Variants in IPO11 observed in about 807,000 individuals in gnomAD.
IPO11 encodes the protein importin-11.
A neutral mutation model predicts 143.2 loss-of-function variants in IPO11; 66 were observed. The ratio of observed to expected loss-of-function variants is 0.46; its 90% confidence interval spans 0.38 to 0.57. IPO11 has a LOEUF of 0.57. IPO11 is among the 20% of genes least tolerant of loss of function. IPO11 has a pLI of 0.00. For missense variants in IPO11, 1,026 were observed against 1,141.0 expected (o/e 0.90, Z 1.45); for synonymous variants, 385 against 377.8 (o/e 1.02, Z -0.22).
chr5:62,592,686 C>T (rs974177414), intron 28 of IPO11, among the ~76,000 whole-genome samples: 3 of 152,136 alleles, frequency 2.0e-5, no homozygotes, highest in Non-Finnish European at 4.4e-5. Flanking sequence ...AGGAAACCTA[C>T]TGTCATGGCA....
chr5:62,601,643 AT>A (rs1401695989), intron 28 of IPO11, 120 bp from the exon 29 acceptor site: 2 of 455,206 alleles, frequency 4.4e-6, no homozygotes, highest in Non-Finnish European at 7.6e-6. Flanking sequence ...TTTTTCTCAC[AT>A]TTTGGTGTGA....
At chr5:62,507,740 G>T (rs189863298) in intron 19 of IPO11, among the ~76,000 whole-genome samples, 192 of 152,198 alleles carry the variant, frequency 1.3e-3, no homozygotes, top group Non-Finnish European at 1.7e-3. Flanking sequence ...ATAGAAATGG[G>T]TCTTCTTATC....
intron 19 of IPO11, among the ~76,000 whole-genome samples, chr5:62,507,434 T>G (rs931773516): frequency 6.6e-6 from 1 of 152,106 alleles, no homozygotes; most frequent in African/African-American, 2.4e-5. Context: ...TCACACAGAG[T>G]TCATTGCAAC....
At chr5:62,419,552 A>G (rs1338456155) in intron 1 of IPO11, among the ~76,000 whole-genome samples, 1 of 152,174 alleles carries the variant, frequency 6.6e-6, no homozygotes, top group Non-Finnish European at 1.5e-5. Flanking sequence ...TCTCACTGGA[A>G]GGTCTTCGGG....
At chr5:62,553,194 G>A (rs539345113) in intron 26 of IPO11, among the ~76,000 whole-genome samples, 130 of 152,150 alleles carry the variant, frequency 8.5e-4, no homozygotes, top group African/African-American at 2.9e-3. Context: ...CTACATGTAA[G>A]TGAGAACACG....
chr5:62,525,932 T>G (rs1489520048), intron 20 of IPO11, among the ~76,000 whole-genome samples: 1 of 152,228 alleles, frequency 6.6e-6, no homozygotes, highest in Admixed American at 6.5e-5. Context: ...TTTTTTAAAC[T>G]GCCAATAGGC....
rs1744940078 is a variant in IPO11, at chr5:62,451,909, T to G, written c.492T>G (p.Ala164=). ...AGACACTGGCATCTAAACGACTTGC[T>G]GCTGATAGAAAACTATTTTATGATG... The part of the protein sequence containing the change: ...VTKTLASKRL[A]ADRKLFYDLA... Residue 164 remains alanine, a synonymous_variant, in exon 5 of 30, where the codon GCT becomes GCG. Coordinates refer to ENST00000325324, the MANE Select transcript of IPO11 (RefSeq NM_016338.5). The G allele has an allele frequency of 1.2e-6, 2 of 1,613,648 alleles. No individual in the cohort carries two copies. Among genetic ancestry groups the G allele is most frequent in the Non-Finnish European group, 1.7e-6 (2 of 1,179,500 alleles).
intron 20 of IPO11, among the ~76,000 whole-genome samples, chr5:62,515,808 T>G (rs1741993078): frequency 6.6e-6 from 1 of 152,202 alleles, no homozygotes. Flanking sequence ...GGGGCTTTTC[T>G]GCTTAAACAT....
At chr5:62,492,398 T>TGCTC (rs1580243090) in intron 15 of IPO11, among the ~76,000 whole-genome samples, 1 of 152,206 alleles carries the variant, frequency 6.6e-6, no homozygotes, top group East Asian at 1.9e-4. Flanking sequence ...CTCAAAGACT[T>TGCTC]GCTCAGATTC....
chr5:62,501,369 A>G (rs1326859266), intron 16 of IPO11, among the ~76,000 whole-genome samples: 1 of 152,228 alleles, frequency 6.6e-6, no homozygotes, highest in Non-Finnish European at 1.5e-5. Context: ...GAAATATAAA[A>G]TAATCTGTGT....
intron 20 of IPO11, among the ~76,000 whole-genome samples, chr5:62,517,692 T>G (rs1742073347): frequency 1.3e-5 from 2 of 152,156 alleles, no homozygotes; most frequent in African/African-American, 4.8e-5. Flanking sequence ...CGTGAGCCAC[T>G]GCTCCCGGCC....
chr5:62,543,436 T>G (rs532269294), intron 24 of IPO11, among the ~76,000 whole-genome samples: 158 of 152,306 alleles, frequency 1.0e-3, no homozygotes, highest in African/African-American at 3.6e-3. Context: ...GTCCAGGAAT[T>G]TATCCATTTC....
At chr5:62,437,567 C>T in intron 2 of IPO11, 150 bp downstream of exon 2, 1 of 589,656 alleles carries the variant, frequency 1.7e-6, no homozygotes, top group Non-Finnish European at 2.9e-6. Flanking sequence ...TACTTTATGA[C>T]TTCTTAAGGG....
At chr5:62,422,214 C>T (rs1743538769) in intron 1 of IPO11, among the ~76,000 whole-genome samples, 1 of 152,142 alleles carries the variant, frequency 6.6e-6, no homozygotes, top group African/African-American at 2.4e-5. Context: ...GCAACCTCCA[C>T]CTCCTGGGTT....
rs1190222932 is a variant in IPO11, at chr5:62,461,439, C to T, written c.517-5692C>T. 2.6e-5 allele frequency among the ~76,000 whole-genome samples: 4 copies of T among 152,196 alleles called. No homozygotes were observed. The East Asian group carries it at 5.8e-4, about 22-fold the overall frequency. On this transcript the variant is annotated intron_variant, in intron 5 of 29. Transcript: ENST00000325324. ...AAAATTGGGTGACGCAAAGAACAGA[C>T]ATTTTGGAAGTCCAAAAGTAGAAGC...
At chr5:62,447,865 TCAC>T (rs1744774895) in intron 3 of IPO11, among the ~76,000 whole-genome samples, 4 of 151,882 alleles carry the variant, frequency 2.6e-5, no homozygotes, top group African/African-American at 9.7e-5. Context: ...GGTATTACAG[TCAC>T]CACGCCCAGC....
Position 62,437,274 on chromosome 5 carries a change from G to T in IPO11, c.-6G>T. On this transcript the variant is annotated splice_region_variant and 5_prime_UTR_variant, in exon 2 of 30. Coordinates refer to ENST00000325324, the MANE Select transcript of IPO11 (RefSeq NM_016338.5). ...AAGTATGTTAACTTATCATTGCCAG[G>T]TTTCCATGGATCTCAATAGTGCCAG... The T allele has an allele frequency of 1.9e-6, 3 of 1,583,986 alleles. No individual in the cohort carries two copies. Among genetic ancestry groups the T allele is most frequent in the South Asian group, 2.4e-5 (2 of 85,030 alleles).
At chr5:62,449,742 CT>C (rs549412759) in intron 3 of IPO11, 184 bp from the exon 4 acceptor site, 1 of 421,232 alleles carries the variant, frequency 2.4e-6, no homozygotes, top group African/African-American at 2.1e-5. Context: ...GTTTAGAAAA[CT>C]TTTTATTGTT....
At chr5:62,604,092 A>G (rs1364109124) in intron 29 of IPO11, among the ~76,000 whole-genome samples, 1 of 152,220 alleles carries the variant, frequency 6.6e-6, no homozygotes, top group African/African-American at 2.4e-5. Context: ...CATAATGTTT[A>G]CACAAGGAAC....
Sources: allele counts gnomAD v4.1 joint callset (sites outside exome capture counted in the v4.1 genomes callset), GRCh38; gene constraint gnomAD v4.1.1; transcripts MANE v1.5; gene names NCBI Gene and HGNC (gene_info 2026-07-23, HGNC 2026-07-21).